Variants in WSCD2 observed in about 807,000 individuals in gnomAD.
WSCD2 encodes sialate:O-sulfotransferase 2.
WSCD2 carries 28 observed loss-of-function variants against 55.7 expected under a neutral mutation model. The ratio of observed to expected loss-of-function variants is 0.50; its 90% CI spans 0.37 to 0.69. The LOEUF (loss-of-function observed/expected upper bound fraction) is 0.69, where lower values mean the gene tolerates loss of function less well. Ranked by LOEUF, WSCD2 falls within the 30% of genes least tolerant of loss-of-function variation. The pLI, the probability that WSCD2 is intolerant of heterozygous loss-of-function variation, is 0.00. For synonymous variants in WSCD2, 301 were observed against 301.9 expected (o/e 1.00, Z 0.03); for missense variants, 616 against 762.1 (o/e 0.81, Z 2.26).
rs1191793972 is a variant in WSCD2 at position 108,155,510 on chromosome 12, A to C, written c.-552+25584A>C. On this transcript the variant is annotated intron_variant, in intron 1 of 8. Coordinates refer to ENST00000547525, the MANE Select transcript of WSCD2 (RefSeq NM_014653.4). Reference sequence around the variant, plus strand: ...GTATGATTCTTGTGATAGTCCCAAGAGGTCAACACTGACTGAAAGGCCTTG... The same window carrying C: ...GTATGATTCTTGTGATAGTCCCAAGCGGTCAACACTGACTGAAAGGCCTTG... 2.0e-5 allele frequency among the ~76,000 whole-genome samples: 3 copies of C among 152,314 alleles called. No individual in the cohort carries two copies. In the East Asian group the frequency reaches 5.8e-4, roughly 29 times the overall value.
Position 108,153,708 on chromosome 12 carries a change from A to G in WSCD2, c.-552+23782A>G, listed in dbSNP as rs548640462. ...GGGCTCAGCCAACCCTGGTGGCTGC[A>G]CAGAGGGAGAGGTGATGGGGAAAGA... On this transcript the variant is annotated intron_variant, in intron 1 of 8. Coordinates refer to ENST00000547525, the MANE Select transcript of WSCD2 (RefSeq NM_014653.4). Among the ~76,000 whole-genome samples, 45 of 152,296 alleles carry G rather than the reference A, an allele frequency of 3.0e-4. No individual in the cohort carries two copies. The East Asian group carries it at 4.4e-3, about 15-fold the overall frequency.
rs185298171 is a variant in WSCD2 at position 108,137,640 on chromosome 12, G to A, written c.-552+7714G>A. Among the ~76,000 whole-genome samples the A allele has an allele frequency of 4.2e-3, 636 of 152,334 alleles. 4 individuals carry two copies. The highest frequency in any genetic ancestry group is 0.014 in the African/African-American group (596 of 41,570). Reference sequence around the variant, plus strand: ...CCAACAACCTCATCCCGTAACTTCTGTCCAGCTGAATGTTATAGGACACTG... The same window carrying A: ...CCAACAACCTCATCCCGTAACTTCTATCCAGCTGAATGTTATAGGACACTG... On this transcript the variant is annotated intron_variant, in intron 1 of 8. Coordinates refer to ENST00000547525, the MANE Select transcript of WSCD2 (RefSeq NM_014653.4).
At chr12:108,176,377 C>T (rs1880871008) in intron 1 of WSCD2, among the ~76,000 whole-genome samples, 1 of 152,178 alleles carries the variant, frequency 6.6e-6, no homozygotes, top group Admixed American at 6.5e-5. Flanking sequence ...TCTTTCTTTT[C>T]TGCCATTACC....
chr12:108,196,235 G>C (rs1883909824), intron 2 of WSCD2, 21 bp downstream of exon 2: 3 of 1,598,026 alleles, frequency 1.9e-6, no homozygotes, highest in Admixed American at 1.7e-5. Flanking sequence ...GGAACATCTG[G>C]ACACTGAGGG....
chr12:108,232,467 C>T (rs914194443), intron 6 of WSCD2, among the ~76,000 whole-genome samples: 2 of 152,186 alleles, frequency 1.3e-5, no homozygotes, highest in African/African-American at 4.8e-5. Context: ...TGGATCCCTA[C>T]TATGGGCTAA....
At chr12:108,215,230 A>T (rs1457321216) in intron 4 of WSCD2, among the ~76,000 whole-genome samples, 1 of 152,212 alleles carries the variant, frequency 6.6e-6, no homozygotes, top group Non-Finnish European at 1.5e-5. Flanking sequence ...AATCTAGGCC[A>T]TTGGACAGGA....
chr12:108,138,529 T>C (rs1779145622), intron 1 of WSCD2, among the ~76,000 whole-genome samples: 1 of 152,216 alleles, frequency 6.6e-6, no homozygotes, highest in Non-Finnish European at 1.5e-5. Context: ...ATAGGGTTCT[T>C]ACAGGGATTC....
At chr12:108,238,326 C>T (rs2137219352) in intron 7 of WSCD2, among the ~76,000 whole-genome samples, 1 of 152,298 alleles carries the variant, frequency 6.6e-6, no homozygotes. Flanking sequence ...TTGGCAAGTC[C>T]CAGAATGGAA....
Position 108,159,991 on chromosome 12 carries a change from G to A in WSCD2, c.-552+30065G>A, listed in dbSNP as rs189863095. Among the ~76,000 whole-genome samples, 20 of 152,264 alleles carry A rather than the reference G, an allele frequency of 1.3e-4. No individual in the cohort carries two copies. In the East Asian group the frequency reaches 3.5e-3, roughly 26 times the overall value. The stretch of plus-strand genomic sequence containing the variant: ...AACCAGGGCTCTGCGAGGGGCCTTC[G>A]TGGAGATATTAGACACGGTATGATA... On this transcript the variant is annotated intron_variant, in intron 1 of 8. Transcript: ENST00000547525.
At chr12:108,169,753 A>T (rs1397918844) in intron 1 of WSCD2, among the ~76,000 whole-genome samples, 1 of 152,176 alleles carries the variant, frequency 6.6e-6, no homozygotes, top group African/African-American at 2.4e-5. Flanking sequence ...TCATGGTTGG[A>T]GGAATGAAGA....
chr12:108,148,665 G>A (rs761444932), intron 1 of WSCD2, among the ~76,000 whole-genome samples: 1 of 152,180 alleles, frequency 6.6e-6, no homozygotes, highest in Non-Finnish European at 1.5e-5. Context: ...TCAGTAATGA[G>A]TGGTAGAACC....
intron 4 of WSCD2, among the ~76,000 whole-genome samples, chr12:108,220,269 T>C (rs1593519): frequency 0.67 from 102,069 of 152,110 alleles, 34,609 homozygotes; most frequent in East Asian, 0.72. Context: ...AGGGTTCCAT[T>C]GGATAAGATA....
intron 1 of WSCD2, among the ~76,000 whole-genome samples, chr12:108,176,001 G>A (rs548791277): frequency 3.3e-5 from 5 of 152,056 alleles, no homozygotes; most frequent in South Asian, 2.1e-4. Context: ...CACCATGCCC[G>A]GCTAATTTTT....
intron 8 of WSCD2, among the ~76,000 whole-genome samples, chr12:108,243,878 A>G (rs1342031891): frequency 6.6e-6 from 1 of 152,020 alleles, no homozygotes; most frequent in Non-Finnish European, 1.5e-5. Flanking sequence ...CACCCTCCCA[A>G]TTACAGCTCA....
chr12:108,166,716 C>CT (rs1407243381), intron 1 of WSCD2, among the ~76,000 whole-genome samples: 3 of 150,124 alleles, frequency 2.0e-5, no homozygotes, highest in Non-Finnish European at 4.4e-5. Flanking sequence ...CTTTCTTTCC[C>CT]TCCTTCTTTC....
At chr12:108,220,348 G>C (rs1214451773) in intron 4 of WSCD2, among the ~76,000 whole-genome samples, 3 of 152,216 alleles carry the variant, frequency 2.0e-5, no homozygotes, top group Non-Finnish European at 4.4e-5. Flanking sequence ...CTTGCAAGCT[G>C]GGTGACCTGT....
chr12:108,235,751 G>A (rs1485194927), intron 7 of WSCD2, among the ~76,000 whole-genome samples: 1 of 152,184 alleles, frequency 6.6e-6, no homozygotes, highest in African/African-American at 2.4e-5. Context: ...GGGGTAGTGG[G>A]CTGGTCACAG....
At chr12:108,234,676 T>C (rs1889109454) in intron 7 of WSCD2, among the ~76,000 whole-genome samples, 1 of 152,210 alleles carries the variant, frequency 6.6e-6, no homozygotes, top group African/African-American at 2.4e-5. Flanking sequence ...CAGAATCCCT[T>C]TGGCTTGTCC....
rs7956982 is a variant in WSCD2, at chr12:108,223,748, G to A, written c.683-991G>A. ...CAACAGGAGCAAGCAGCCCCTCCCA[G>A]GAAGTTACGCCCCAGCCTGGGGGAC... On this transcript the variant is annotated intron_variant, in intron 4 of 8. Transcript: ENST00000547525. 2.0e-3 allele frequency among the ~76,000 whole-genome samples: 311 copies of A among 152,288 alleles called. 1 individual carries two copies. Among genetic ancestry groups the A allele is most frequent in the African/African-American group, 7.0e-3 (291 of 41,554 alleles).
Sources: allele counts gnomAD v4.1 joint callset (sites outside exome capture counted in the v4.1 genomes callset), GRCh38; gene constraint gnomAD v4.1.1; transcripts MANE v1.5; gene names NCBI Gene and HGNC (gene_info 2026-07-23, HGNC 2026-07-21).